GATAD1: variants seen among roughly 807,000 people sequenced by gnomAD.
GATAD1 encodes GATA zinc finger domain containing 1.
In GATAD1, 12 loss-of-function variants were observed where a neutral mutation model predicts 26.5. The ratio of observed to expected loss-of-function variants is 0.45; its 90% confidence interval spans 0.29 to 0.73. The LOEUF (loss-of-function observed/expected upper bound fraction) is 0.73, where lower values mean the gene tolerates loss of function less well. Among genes scored for constraint, GATAD1 ranks in the 30% least tolerant of loss-of-function variants. GATAD1 has a pLI of 0.10. For synonymous variants in GATAD1, 129 were observed against 133.1 expected (o/e 0.97, Z 0.21); for missense variants, 266 against 342.1 (o/e 0.78, Z 1.75).
At position 92,459,048 on chromosome 7, in the gene GATAD1, C is replaced by T. The variant is rs1789812352; in HGVS notation, c.*2486C>T. The T allele has an allele frequency of 6.6e-6, 1 of 152,198 alleles. No individual in the cohort carries two copies. The highest frequency in any genetic ancestry group is 1.5e-5 in the Non-Finnish European group (1 of 68,140). 9.4% of individuals were successfully genotyped at this position (152,198 alleles called of 1,614,324 possible). On this transcript the variant is annotated 3_prime_UTR_variant, in exon 5 of 5. Transcript: ENST00000287957. ...AGACCAGCCTGGTCAACATGAAACC[C>T]CGTCTCTACTAAAAATACAAAAATT...
the GATAD1 span, among the ~76,000 whole-genome samples, chr7:92,495,506 G>T: frequency 2.0e-5 from 3 of 152,050 alleles, no homozygotes; most frequent in Non-Finnish European, 4.4e-5. Flanking sequence ...TAAGTTACAG[G>T]ACTACTCAGA....
Position 92,458,968 on chromosome 7 carries a change from A to C in GATAD1, c.*2406A>C, listed in dbSNP as rs1230276650. The C allele has an allele frequency of 6.6e-6, 1 of 152,212 alleles. No individual in the cohort carries two copies. Among genetic ancestry groups the C allele is most frequent in the Non-Finnish European group, 1.5e-5 (1 of 68,040 alleles). 9.4% of individuals were successfully genotyped at this position (152,212 alleles called of 1,614,324 possible). On this transcript the variant is annotated 3_prime_UTR_variant, in exon 5 of 5. Coordinates refer to ENST00000287957, the MANE Select transcript of GATAD1 (RefSeq NM_021167.5). ...GCCGGGCACAGTGGCTCACGCCTGT[A>C]ATCCCAGCACTTTGGAAGGCTGAGG... is the stretch of plus-strand genomic sequence containing the variant.
intron 2 of GATAD1, chr7:92,449,462 T>C: frequency 2.1e-6 from 2 of 973,434 alleles, no homozygotes; most frequent in Non-Finnish European, 2.4e-6. Context: ...TTTATTGCAA[T>C]TAAATTCTCA....
chr7:92,470,091 AG>A, the GATAD1 span: 1 of 778,852 alleles, frequency 1.3e-6, no homozygotes, highest in East Asian at 2.4e-5. Context: ...CAAGTCCTCC[AG>A]GACAACTAGG....
At chr7:92,461,020 A>T (rs555242259), downstream of GATAD1, among the ~76,000 whole-genome samples, 1 of 152,188 alleles carries the variant, frequency 6.6e-6, no homozygotes, top group Non-Finnish European at 1.5e-5. Flanking sequence ...AGAATATTTT[A>T]TAAATAGTAG....
the GATAD1 span, chr7:92,493,214 A>T: frequency 2.5e-6 from 2 of 795,896 alleles, no homozygotes; most frequent in Non-Finnish European, 4.0e-6. Context: ...TTTTCTTCAT[A>T]AATTAACCTT....
chr7:92,448,993 T>A (rs1789300358), intron 2 of GATAD1, 116 bp downstream of exon 2: 2 of 1,200,390 alleles, frequency 1.7e-6, no homozygotes, highest in African/African-American at 3.0e-5. Flanking sequence ...TCCTTAGTAT[T>A]CTGGGGAATG....
the GATAD1 span, chr7:92,474,793 C>T: frequency 6.6e-6 from 1 of 152,170 alleles, no homozygotes; most frequent in Non-Finnish European, 1.5e-5. Context: ...TGAGAATTTA[C>T]CTAAGTCTGT....
At chr7:92,487,536 T>TC in the GATAD1 span, 4 of 1,529,624 alleles carry the variant, frequency 2.6e-6, no homozygotes, top group Non-Finnish European at 3.6e-6. Context: ...TTGAAAGCTT[T>TC]CATATCTGAA....
At chr7:92,488,011 G>A in the GATAD1 span, among the ~76,000 whole-genome samples, 2 of 152,180 alleles carry the variant, frequency 1.3e-5, no homozygotes, top group Non-Finnish European at 1.5e-5. Context: ...AATTAGATAT[G>A]TGCATATATT....
At chr7:92,460,123 A>G (rs140454094), downstream of GATAD1, among the ~76,000 whole-genome samples, 4 of 152,176 alleles carry the variant, frequency 2.6e-5, no homozygotes, top group East Asian at 7.7e-4. Context: ...TCCAGGCCTA[A>G]TAAGTTTTCC....
Position 92,447,695 on chromosome 7 carries a change from C to A in GATAD1, c.-35C>A. On this transcript the variant is annotated 5_prime_UTR_variant, in exon 1 of 5. Coordinates refer to ENST00000287957, the MANE Select transcript of GATAD1 (RefSeq NM_021167.5). ...GGGCTACCGTCCGCCATTCCCGTGTCTCTGCGCCCGCGGGGGCCGCCCGAG... is the reference window on the plus strand; with the variant it reads ...GGGCTACCGTCCGCCATTCCCGTGTATCTGCGCCCGCGGGGGCCGCCCGAG... 1 of 1,425,986 alleles carries A rather than the reference C, an allele frequency of 7.0e-7. No individual in the cohort carries two copies. Among genetic ancestry groups the A allele is most frequent in the Admixed American group, 3.0e-5 (1 of 32,900 alleles). The allele number at this position is 1,425,986 out of a possible 1,614,324, so 88.3% of individuals were successfully genotyped here.
At chr7:92,470,099 T>A in the GATAD1 span, 2 of 778,808 alleles carry the variant, frequency 2.6e-6, no homozygotes, top group Non-Finnish European at 4.8e-6. Flanking sequence ...CCAGGACAAC[T>A]AGGATTAATC....
rs1260781530 is a variant in GATAD1 at position 92,448,819 on chromosome 7, C to G, written c.317C>G (p.Ala106Gly). ...ACTAAATACAAATCTGCTCCGGCTG[C>G]TGAAAAGAAAGTCTCCACCAAAGGA... ...RNTKYKSAPA[A>G]EKKVSTKGKG... Residue 106 changes from alanine to glycine, a missense_variant, in exon 2 of 5, where the codon GCT (alanine) becomes GGT (glycine). Physicochemically the swap from Ala to Gly is moderately conservative, Grantham distance 60. Coordinates refer to ENST00000287957, the MANE Select transcript of GATAD1 (RefSeq NM_021167.5). 2 of 1,610,478 alleles carry G rather than the reference C, an allele frequency of 1.2e-6. No homozygotes were observed. Among genetic ancestry groups the G allele is most frequent in the Admixed American group, 1.7e-5 (1 of 60,010 alleles).
the GATAD1 span, chr7:92,492,809 A>G: frequency 1.4e-6 from 1 of 707,362 alleles, no homozygotes; most frequent in Admixed American, 2.1e-5. Context: ...CCAACTATGG[A>G]ACATTCAACT....
intron 2 of GATAD1, 38 bp from the exon 3 acceptor site, chr7:92,450,663 A>C: frequency 8.3e-6 from 12 of 1,440,082 alleles, no homozygotes; most frequent in Non-Finnish European, 1.2e-5. Flanking sequence ...AGACACATAC[A>C]TACTATGAAT....
At chr7:92,467,983 G>T in the GATAD1 span, among the ~76,000 whole-genome samples, 2 of 152,196 alleles carry the variant, frequency 1.3e-5, no homozygotes. Flanking sequence ...TTACTTGGGG[G>T]TCCTTGCTCA....
the GATAD1 span, among the ~76,000 whole-genome samples, chr7:92,466,568 A>C: frequency 6.6e-6 from 1 of 152,252 alleles, no homozygotes; most frequent in African/African-American, 2.4e-5. Context: ...AGAGAAAGAT[A>C]AGCTTTATTA....
chr7:92,494,306 G>T, the GATAD1 span: 1 of 1,612,750 alleles, frequency 6.2e-7, no homozygotes, highest in Non-Finnish European at 8.5e-7. Flanking sequence ...ATCAGGAGGA[G>T]GACAGTATAC....
Sources: gnomAD v4.1 joint callset for allele counts (sites outside exome capture counted in the v4.1 genomes callset) on GRCh38, gnomAD v4.1.1 for gene constraint, MANE v1.5 for transcripts, NCBI Gene and HGNC (gene_info 2026-07-23, HGNC 2026-07-21) for gene names.